The following COL27A1 variants were observed in gnomAD, a reference collection of about 807,000 sequenced individuals.
COL27A1 encodes the protein collagen type XXVII alpha 1 chain, also known as collagen alpha-1(XXVII) chain.
COL27A1 carries 106 observed loss-of-function variants against 251.3 expected under a neutral mutation model. That is an observed-to-expected ratio of 0.42 (90% confidence interval 0.36 to 0.50). The LOEUF (loss-of-function observed/expected upper bound fraction) is 0.50. COL27A1 is among the 20% of genes least tolerant of loss of function. The probability of loss-of-function intolerance (pLI) is 0.00; values close to 1 mark genes in which losing one functional copy is unlikely to be tolerated. For synonymous variants in COL27A1, 1,000 were observed against 986.3 expected, an observed-to-expected ratio of 1.01 and a Z score of -0.26; for missense variants, 2,325 against 2,522.8, an observed-to-expected ratio of 0.92 and a Z score of 1.68.
chr9:114,300,156 G>T, intron 50 of COL27A1, 33 bp downstream of exon 50: 1 of 1,595,058 alleles, frequency 6.3e-7, no homozygotes, highest in South Asian at 1.1e-5. Flanking sequence ...GTTCCTGTGG[G>T]GTCCCATCCA....
intron 12 of COL27A1, among the ~76,000 whole-genome samples, chr9:114,217,112 G>T (rs1196857930): frequency 2.6e-5 from 4 of 152,152 alleles, no homozygotes; most frequent in Non-Finnish European, 4.4e-5. Flanking sequence ...CGCTGTTGGG[G>T]TTTACTGTTG....
chr9:114,176,241 C>T (rs1827428889), intron 3 of COL27A1, among the ~76,000 whole-genome samples: 1 of 152,186 alleles, frequency 6.6e-6, no homozygotes, highest in African/African-American at 2.4e-5. Flanking sequence ...CTGGGTCCAC[C>T]TGGGACAGTT....
chr9:114,234,461 G>A (rs569376886), intron 16 of COL27A1, among the ~76,000 whole-genome samples: 7 of 152,146 alleles, frequency 4.6e-5, no homozygotes, highest in East Asian at 1.9e-4. Flanking sequence ...AAATGTTTTC[G>A]GAATCCTGGG....
rs775889711 is a variant in COL27A1, at chr9:114,284,792, T to C, written c.3987+15T>C. 6.2e-7 allele frequency: 1 copy of C among 1,613,974 alleles called. No individual in the cohort carries two copies. The highest frequency in any genetic ancestry group is 1.3e-5 in the African/African-American group (1 of 74,920). ...AAGGCGAAAAGGTGGGTGTTTGCTCTGGGGAAAGCAGCTGCACCCTCGTGT... is the reference window on the plus strand; with the variant it reads ...AAGGCGAAAAGGTGGGTGTTTGCTCCGGGGAAAGCAGCTGCACCCTCGTGT... On this transcript the variant is annotated intron_variant, in intron 41 of 60. Transcript: ENST00000356083.
chr9:114,192,890 G>A (rs1828843259), intron 5 of COL27A1, among the ~76,000 whole-genome samples: 3 of 152,202 alleles, frequency 2.0e-5, no homozygotes, highest in Admixed American at 2.0e-4. Flanking sequence ...GAGTTCTAAT[G>A]AAGAAAAGAA....
intron 37 of COL27A1, among the ~76,000 whole-genome samples, chr9:114,276,065 G>A (rs1835486100): frequency 6.6e-6 from 1 of 152,100 alleles, no homozygotes; most frequent in Non-Finnish European, 1.5e-5. Context: ...TCAGTTTCTT[G>A]GACAAGCTGT....
intron 33 of COL27A1, 140 bp from the exon 34 acceptor site, chr9:114,267,364 A>G: frequency 3.1e-6 from 2 of 638,368 alleles, no homozygotes; most frequent in Non-Finnish European, 5.1e-6. Context: ...CCAAGAAGCT[A>G]CAAGCTGCTC....
At chr9:114,166,015 A>G (rs1057403933) in intron 2 of COL27A1, among the ~76,000 whole-genome samples, 5 of 151,124 alleles carry the variant, frequency 3.3e-5, no homozygotes, top group Non-Finnish European at 7.4e-5. Flanking sequence ...CCATTTATCC[A>G]TCCATCCACC....
Position 114,210,985 on chromosome 9 carries a change from C to T in COL27A1, c.2326C>T (p.Leu776=). The part of the protein sequence containing the change: ...GLPGSDGERG[L]PGVPGKRGKM... ...CTCCCCTGTCTCTCCCCTGCAGGGC[C>T]TGCCTGGCGTTCCTGGCAAGAGGGG... Residue 776 remains leucine (L), a synonymous_variant, in exon 12 of 61, where the codon CTG becomes TTG. Transcript: ENST00000356083. 1 of 1,614,224 alleles carries T rather than the reference C, an allele frequency of 6.2e-7. No homozygotes were observed.
At chr9:114,304,785 G>T in intron 57 of COL27A1, 112 bp downstream of exon 57, 1 of 906,614 alleles carries the variant, frequency 1.1e-6, no homozygotes, top group Non-Finnish European at 1.7e-6. Flanking sequence ...GCATTTCAGA[G>T]TCCTGGTCTT....
In COL27A1 at chr9:114,194,508, T is replaced by C. The variant is rs1042093923; in HGVS notation, c.2070+51T>C. ...CAGGGAAGAGGGGAGTGGATGATAG[T>C]GAAATTGCCACACTTTAAAGCTAGC... On this transcript the variant is annotated intron_variant, in intron 6 of 60. Coordinates refer to ENST00000356083, the MANE Select transcript of COL27A1 (RefSeq NM_032888.4). 1.1e-4 allele frequency: 165 copies of C among 1,490,310 alleles called. 1 individual carries two copies. In the South Asian group the frequency reaches 1.6e-3, roughly 14 times the overall value. The allele number at this position is 1,490,310 out of a possible 1,614,324, so 92.3% of individuals were successfully genotyped here. A position where few individuals can be genotyped will look rare whatever the true frequency, so the allele number is the denominator to read the frequency against.
At chr9:114,294,247 C>CAAAAAAA (rs58536000) in intron 49 of COL27A1, among the ~76,000 whole-genome samples, 3 of 84,288 alleles carry the variant, frequency 3.6e-5, no homozygotes, top group African/African-American at 1.4e-4. Flanking sequence ...GACTCTGTCT[C>CAAAAAAA]AAAAAAAAAA....
At chr9:114,195,819 C>A in intron 6 of COL27A1, 140 bp from the exon 7 acceptor site, 1 of 712,434 alleles carries the variant, frequency 1.4e-6, no homozygotes, top group Non-Finnish European at 2.5e-6. Context: ...GCCCCCGAGT[C>A]TCCTCTGAGG....
intron 21 of COL27A1, among the ~76,000 whole-genome samples, chr9:114,241,622 A>C (rs1476185863): frequency 6.6e-6 from 1 of 152,200 alleles, no homozygotes; most frequent in Non-Finnish European, 1.5e-5. Flanking sequence ...CACTCAAGAA[A>C]GCCCTATGTA....
intron 5 of COL27A1, among the ~76,000 whole-genome samples, chr9:114,190,292 G>A (rs1828665086): frequency 1.3e-5 from 2 of 152,172 alleles, no homozygotes; most frequent in South Asian, 4.1e-4. Flanking sequence ...GTTTGTTTGA[G>A]ACAGGGTCTT....
intron 35 of COL27A1, 103 bp downstream of exon 35, chr9:114,269,397 A>G (rs1275615325): frequency 1.4e-6 from 1 of 740,202 alleles, no homozygotes; most frequent in Admixed American, 2.9e-5. Flanking sequence ...CAGTTTCCTC[A>G]GTTACAGAAA....
chr9:114,301,887 C>T (rs553178252), intron 55 of COL27A1, among the ~76,000 whole-genome samples, 170 bp downstream of exon 55: 5 of 152,260 alleles, frequency 3.3e-5, no homozygotes, highest in East Asian at 1.9e-4. Context: ...CTTTTGCCTA[C>T]GTGGGGTAAC....
intron 12 of COL27A1, among the ~76,000 whole-genome samples, chr9:114,212,736 T>TGTAC (rs1830447335): frequency 6.6e-6 from 1 of 152,240 alleles, no homozygotes; most frequent in Non-Finnish European, 1.5e-5. Flanking sequence ...GACAATAGTA[T>TGTAC]GGCTCATAAG....
At chr9:114,285,686 G>A (rs1055665605) in intron 41 of COL27A1, among the ~76,000 whole-genome samples, 6 of 152,126 alleles carry the variant, frequency 3.9e-5, no homozygotes, top group African/African-American at 7.2e-5. Flanking sequence ...ACGGCCACCC[G>A]CCCCAGCCGA....
Sources: gnomAD v4.1 joint callset for allele counts (sites outside exome capture counted in the v4.1 genomes callset) on GRCh38, gnomAD v4.1.1 for gene constraint, MANE v1.5 for transcripts, NCBI Gene and HGNC (gene_info 2026-07-23, HGNC 2026-07-21) for gene names.